MEMO1: variants seen among roughly 807,000 people sequenced by gnomAD.
The protein encoded by MEMO1 is protein MEMO1.
A neutral mutation model predicts 45.2 loss-of-function variants in MEMO1; 6 were observed. The observed-to-expected ratio is 0.13, with a 90% CI of 0.07 to 0.26. The LOEUF (loss-of-function observed/expected upper bound fraction) is 0.26. Among genes scored for constraint, MEMO1 ranks in the 10% least tolerant of loss-of-function variants. The pLI is 1.00. For missense variants in MEMO1, 184 were observed against 370.5 expected, an observed-to-expected ratio of 0.50 and a Z score of 4.13; for synonymous variants, 78 against 124.3, an observed-to-expected ratio of 0.63 and a Z score of 2.48.
At chr2:31,936,195 C>T (rs1664900502) in intron 3 of MEMO1, among the ~76,000 whole-genome samples, 1 of 152,088 alleles carries the variant, frequency 6.6e-6, no homozygotes, top group Non-Finnish European at 1.5e-5. Context: ...AACTCCTGAC[C>T]TTGTGATCCG....
intron 2 of MEMO1, among the ~76,000 whole-genome samples, chr2:32,006,758 A>G (rs74671093): frequency 6.6e-6 from 1 of 152,034 alleles, no homozygotes; most frequent in African/African-American, 2.4e-5. Context: ...CGAGGTCAGG[A>G]GTTCAAGACC....
At chr2:31,974,340 T>C (rs761905196) in intron 2 of MEMO1, among the ~76,000 whole-genome samples, 34 of 152,222 alleles carry the variant, frequency 2.2e-4, no homozygotes, top group Non-Finnish European at 4.3e-4. Flanking sequence ...ACATTCAAAA[T>C]ATACTTATTT....
chr2:31,984,779 C>A (rs921406003), intron 2 of MEMO1, among the ~76,000 whole-genome samples: 2 of 152,106 alleles, frequency 1.3e-5, no homozygotes, highest in Non-Finnish European at 2.9e-5. Context: ...GCACTCCAGC[C>A]TGGGCGACAG....
At position 31,869,786 on chromosome 2, in the gene MEMO1, A is replaced by G; in HGVS notation, c.762+62T>C. ...CCAATGATGCCATTGTATCACAATG[A>G]TAATATTTTGGAATATCATATGACC... On this transcript the variant is annotated intron_variant, in intron 9 of 9. Coordinates refer to ENST00000404530, the MANE Select transcript of MEMO1 (RefSeq NM_001301833.4). 2.6e-6 allele frequency: 4 copies of G among 1,511,018 alleles called. No homozygotes were observed. The South Asian group carries it at 4.0e-5, about 15-fold the overall frequency. The allele number at this position is 1,511,018 out of a possible 1,614,324, so 93.6% of individuals were successfully genotyped here. A position where few individuals can be genotyped will look rare whatever the true frequency, so the allele number is the denominator to read the frequency against.
chr2:31,939,220 T>C (rs978634348), intron 3 of MEMO1, among the ~76,000 whole-genome samples: 1 of 152,146 alleles, frequency 6.6e-6, no homozygotes, highest in African/African-American at 2.4e-5. Flanking sequence ...AAATAGAAAT[T>C]GCCTATGAAT....
In MEMO1 at chr2:31,988,313, G is replaced by A. The variant is rs12613087; in HGVS notation, c.61+21874C>T. ...TGTAATCCCAGCACTTCGGGAGGCT[G>A]AGGCAGGCGGATCACTTGAGGTCAG... is the stretch of plus-strand genomic sequence containing the variant. On this transcript the variant is annotated intron_variant, in intron 2 of 9. Transcript: ENST00000404530. 4.8e-4 allele frequency among the ~76,000 whole-genome samples: 73 copies of A among 152,104 alleles called. 1 individual carries two copies. The East Asian group carries it at 0.013, about 27-fold the overall frequency.
rs139719856 is a variant in MEMO1 at position 31,996,280 on chromosome 2, G to A, written c.61+13907C>T. ...AAACTAAAAGAGGCATGGCACGGTG[G>A]CTCACACCTGTAATCCCAGCACTTT... On this transcript the variant is annotated intron_variant, in intron 2 of 9. Transcript: ENST00000404530. 4.7e-4 allele frequency among the ~76,000 whole-genome samples: 71 copies of A among 152,116 alleles called. No individual in the cohort carries two copies. The East Asian group carries it at 0.011, about 24-fold the overall frequency.
chr2:31,983,483 G>C lies in MEMO1; in HGVS notation c.61+26704C>G, dbSNP rs970185997. Among the ~76,000 whole-genome samples the C allele has an allele frequency of 1.1e-4, 17 of 152,218 alleles. No individual in the cohort carries two copies. In the South Asian group the frequency reaches 3.5e-3, roughly 32 times the overall value. Reference sequence around the variant, plus strand: ...AGTTTCGCTCTTGTTGCCCAGGCCAGAGTGAGGGTGGCACAATCTCGGCTC... The same window carrying C: ...AGTTTCGCTCTTGTTGCCCAGGCCACAGTGAGGGTGGCACAATCTCGGCTC... On this transcript the variant is annotated intron_variant, in intron 2 of 9. Coordinates refer to ENST00000404530, the MANE Select transcript of MEMO1 (RefSeq NM_001301833.4).
At chr2:31,923,976 G>A (rs1178042939) in intron 4 of MEMO1, among the ~76,000 whole-genome samples, 1 of 152,052 alleles carries the variant, frequency 6.6e-6, no homozygotes, top group Non-Finnish European at 1.5e-5. Context: ...CCACCAATCT[G>A]AATTAACCAA....
intron 2 of MEMO1, among the ~76,000 whole-genome samples, chr2:31,977,923 G>C (rs961530684): frequency 6.6e-6 from 1 of 152,074 alleles, no homozygotes; most frequent in Non-Finnish European, 1.5e-5. Context: ...AAACATACAT[G>C]GTTAATAATC....
Position 31,882,102 on chromosome 2 carries a change from C to A in MEMO1, c.657+1284G>T, listed in dbSNP as rs1005428894. Among the ~76,000 whole-genome samples, 5 of 152,054 alleles carry A rather than the reference C, an allele frequency of 3.3e-5. No individual in the cohort carries two copies. In the South Asian group the frequency reaches 6.2e-4, roughly 19 times the overall value. On this transcript the variant is annotated intron_variant, in intron 8 of 9. Transcript: ENST00000404530. ...GAGGCTACAGTAAGCCAAGATCACA[C>A]CACTGCACGCCAGCCTGGGCCACAG...
At chr2:32,004,611 T>C (rs1345894639) in intron 2 of MEMO1, among the ~76,000 whole-genome samples, 2 of 152,142 alleles carry the variant, frequency 1.3e-5, no homozygotes, top group Non-Finnish European at 2.9e-5. Context: ...TGCAAAACTT[T>C]AGCAGAATCT....
At chr2:31,994,060 A>C (rs1672274252) in intron 2 of MEMO1, among the ~76,000 whole-genome samples, 1 of 139,752 alleles carries the variant, frequency 7.2e-6, no homozygotes, top group Non-Finnish European at 1.5e-5. Context: ...TCCCAGGTTC[A>C]AGTGATTCTT....
chr2:31,909,842 T>C (rs1680301874), intron 6 of MEMO1, among the ~76,000 whole-genome samples: 4 of 152,016 alleles, frequency 2.6e-5, no homozygotes, highest in Admixed American at 2.6e-4. Flanking sequence ...CTGAGAAGTT[T>C]CCAAAATTAA....
rs1664458791 is a variant in MEMO1 at position 31,933,342 on chromosome 2, AAAAAAAATTTATATAT to A, written c.144-1223_144-1208del. 8.4e-5 allele frequency among the ~76,000 whole-genome samples: 4 copies of A among 47,338 alleles called. 1 individual carries two copies. The highest frequency in any genetic ancestry group is 3.7e-4 in the African/African-American group (4 of 10,938). 31.1% of individuals were successfully genotyped at this position (47,338 alleles called of 152,430 possible). ...TAAAAAAAAAAAAAAAAAAAAAAAAAAAAAAAATTTATATATATATATATATATATATATATATATA... is the reference window on the plus strand; with the variant it reads ...TAAAAAAAAAAAAAAAAAAAAAAAAAATATATATATATATATATATATATA... On this transcript the variant is annotated intron_variant, in intron 3 of 9. Coordinates refer to ENST00000404530, the MANE Select transcript of MEMO1 (RefSeq NM_001301833.4).
intron 3 of MEMO1, among the ~76,000 whole-genome samples, chr2:31,934,875 G>A (rs574199565): frequency 1.5e-4 from 23 of 152,274 alleles, no homozygotes; most frequent in African/African-American, 5.3e-4. Context: ...AGGTACTAAT[G>A]TCATGGTCTG....
chr2:31,881,591 G>A (rs1250797563), intron 8 of MEMO1, among the ~76,000 whole-genome samples: 2 of 149,420 alleles, frequency 1.3e-5, no homozygotes, highest in African/African-American at 2.5e-5. Context: ...TGTAAAAAGA[G>A]CAAAAGGACA....
At chr2:31,928,936 A>T (rs191194407) in intron 4 of MEMO1, among the ~76,000 whole-genome samples, 85 of 152,292 alleles carry the variant, frequency 5.6e-4, no homozygotes, top group Non-Finnish European at 1.1e-3. Flanking sequence ...GGGACTTATT[A>T]GGATAGAGCT....
At chr2:31,897,718 G>C (rs1379156124) in intron 6 of MEMO1, among the ~76,000 whole-genome samples, 1 of 152,112 alleles carries the variant, frequency 6.6e-6, no homozygotes, top group Non-Finnish European at 1.5e-5. Flanking sequence ...GTATCAGGAT[G>C]ATGCTGTCCT....
Sources: gnomAD v4.1 joint callset for allele counts (sites outside exome capture counted in the v4.1 genomes callset) on GRCh38, gnomAD v4.1.1 for gene constraint, MANE v1.5 for transcripts, NCBI Gene and HGNC (gene_info 2026-07-23, HGNC 2026-07-21) for gene names.